The following RGS22 variants were observed in gnomAD, a reference collection of about 807,000 sequenced individuals.
The protein encoded by RGS22 is regulator of G protein signaling 22.
In RGS22, 148 loss-of-function variants were observed where a neutral mutation model predicts 172.9. The ratio of observed to expected loss-of-function variants is 0.86; its 90% CI spans 0.75 to 0.98. The LOEUF is 0.98. Among genes scored for constraint, RGS22 ranks in the 50% least tolerant of loss-of-function variants. The probability of loss-of-function intolerance (pLI) is 0.00; values close to 1 mark genes in which losing one functional copy is unlikely to be tolerated. For synonymous variants in RGS22, 458 were observed against 480.2 expected (o/e 0.95, Z 0.60); for missense variants, 1,347 against 1,440.8 (o/e 0.93, Z 1.05).
intron 9 of RGS22, among the ~76,000 whole-genome samples, chr8:100,058,857 T>C (rs1036511627): frequency 1.3e-5 from 2 of 152,126 alleles, no homozygotes; most frequent in Non-Finnish European, 2.9e-5. Flanking sequence ...ACACAGAATA[T>C]TATAACACTG....
chr8:99,993,146 T>C (rs1456232014), intron 20 of RGS22, among the ~76,000 whole-genome samples: 1 of 152,166 alleles, frequency 6.6e-6, no homozygotes, highest in Non-Finnish European at 1.5e-5. Flanking sequence ...TAGCACTAAA[T>C]GCCCACAAGA....
intron 2 of RGS22, among the ~76,000 whole-genome samples, chr8:100,104,344 G>GTT (rs1813747172): frequency 6.8e-6 from 1 of 146,140 alleles, no homozygotes; most frequent in East Asian, 1.9e-4. Flanking sequence ...GTGTGTGTGT[G>GTT]TGTGTGTGTG....
intron 21 of RGS22, among the ~76,000 whole-genome samples, chr8:99,986,430 G>T (rs73702112): frequency 0.035 from 5,357 of 152,134 alleles, 322 homozygotes; most frequent in African/African-American, 0.12. Flanking sequence ...AAAGCATTAT[G>T]CTCCTAAATT....
intron 9 of RGS22, among the ~76,000 whole-genome samples, chr8:100,059,480 G>T (rs1809923773): frequency 6.6e-6 from 1 of 151,470 alleles, no homozygotes; most frequent in Admixed American, 6.6e-5. Context: ...AAAAAAAGCA[G>T]GAGTAGCTAT....
chr8:100,056,866 A>C (rs1048931056), intron 9 of RGS22, among the ~76,000 whole-genome samples: 1 of 152,208 alleles, frequency 6.6e-6, no homozygotes, highest in Non-Finnish European at 1.5e-5. Flanking sequence ...CCACTGGGGC[A>C]CTGCCTAGTG....
intron 9 of RGS22, among the ~76,000 whole-genome samples, chr8:100,053,781 G>A (rs1202984415): frequency 2.6e-5 from 4 of 151,898 alleles, no homozygotes; most frequent in Admixed American, 6.6e-5. Context: ...GACTACAGGC[G>A]TGTGCCACCA....
chr8:100,023,270 T>C (rs1462028043), intron 14 of RGS22, among the ~76,000 whole-genome samples: 1 of 152,132 alleles, frequency 6.6e-6, no homozygotes, highest in Non-Finnish European at 1.5e-5. Context: ...CCTATGAATA[T>C]TCTCTCCATC....
chr8:100,075,192 C>T (rs1039637924), intron 4 of RGS22, among the ~76,000 whole-genome samples: 1 of 152,082 alleles, frequency 6.6e-6, no homozygotes, highest in African/African-American at 2.4e-5. Context: ...TGAATGTGAT[C>T]CCCAATGCTG....
chr8:99,987,599 G>C lies in RGS22; in HGVS notation c.3039C>G (p.Ile1013Met). Residue 1013 changes from isoleucine (I) to methionine (M), a missense_variant, in exon 21 of 28, where the codon ATC becomes ATG. Coordinates refer to ENST00000360863, the MANE Select transcript of RGS22 (RefSeq NM_015668.5). ...AAGCAATGATTTTACAAGATGAAGA[G>C]ATCCACTTACTCTCCACAGGCTGTC... ...GVWKPVESKW[I>M]SSSCKIIAFR... The C allele has an allele frequency of 6.2e-7, 1 of 1,606,018 alleles. No homozygotes were observed. The highest frequency in any genetic ancestry group is 8.5e-7 in the Non-Finnish European group (1 of 1,176,428).
intron 3 of RGS22, among the ~76,000 whole-genome samples, chr8:100,083,872 A>G (rs1273472259): frequency 3.5e-5 from 5 of 142,322 alleles, no homozygotes; most frequent in African/African-American, 1.3e-4. Flanking sequence ...TCTGAGACAG[A>G]GTCTTGCTCT....
intron 22 of RGS22, among the ~76,000 whole-genome samples, chr8:99,979,010 C>T (rs1812266463): frequency 6.6e-6 from 1 of 152,200 alleles, no homozygotes; most frequent in Admixed American, 6.5e-5. Context: ...TAAAATTATT[C>T]ACTCCTTCTA....
intron 14 of RGS22, among the ~76,000 whole-genome samples, chr8:100,022,424 G>A (rs1252803227): frequency 6.6e-6 from 1 of 152,046 alleles, no homozygotes; most frequent in African/African-American, 2.4e-5. Flanking sequence ...AAGAAAAGAC[G>A]AGAACAAACC....
chr8:100,080,524 G>A (rs1044390930), intron 3 of RGS22, 169 bp from the exon 4 acceptor site: 4 of 596,106 alleles, frequency 6.7e-6, no homozygotes, highest in Non-Finnish European at 8.8e-6. Context: ...TAGAGGTCAG[G>A]GAACCCACTA....
In RGS22 at chr8:100,028,405, T is replaced by C. The variant is rs1392244800; in HGVS notation, c.2166+10526A>G. On this transcript the variant is annotated intron_variant, in intron 14 of 27. Coordinates refer to ENST00000360863, the MANE Select transcript of RGS22 (RefSeq NM_015668.5). ...CACATGTTCCCTTATTTAATACCCA[T>C]AGTAAGCACCAGAAAAGCAAGCTTC... Among the ~76,000 whole-genome samples the C allele has an allele frequency of 2.9e-5, 4 of 138,984 alleles. No individual in the cohort carries two copies. The East Asian group carries it at 8.3e-4, about 29-fold the overall frequency. The allele number at this position is 138,984 out of a possible 152,430, so 91.2% of individuals were successfully genotyped here. A position where few individuals can be genotyped will look rare whatever the true frequency, so the allele number is the denominator to read the frequency against.
At position 100,064,829 on chromosome 8, in the gene RGS22, G is replaced by A. The variant is rs191687064; in HGVS notation, c.725-786C>T. ...ACCATGTATGAACAGACCAGAACTG[G>A]AAACAATAATAGCAAGTTTTAAAAT... On this transcript the variant is annotated intron_variant, in intron 7 of 27. Coordinates refer to ENST00000360863, the MANE Select transcript of RGS22 (RefSeq NM_015668.5). 2.4e-3 allele frequency among the ~76,000 whole-genome samples: 360 copies of A among 152,180 alleles called. 4 individuals are homozygous for A. Among genetic ancestry groups the A allele is most frequent in the African/African-American group, 8.3e-3 (346 of 41,528 alleles).
At position 100,097,526 on chromosome 8, in the gene RGS22, G is replaced by A. The variant is rs374278648; in HGVS notation, c.55-4017C>T. Among the ~76,000 whole-genome samples the A allele has an allele frequency of 4.6e-5, 7 of 152,252 alleles. No individual in the cohort carries two copies. The South Asian group carries it at 8.3e-4, about 18-fold the overall frequency. ...AAATCTTAGTGGTAGGTATATCAGT[G>A]TTCACTATACAATTCTTTTAATTCT... On this transcript the variant is annotated intron_variant, in intron 2 of 27. Coordinates refer to ENST00000360863, the MANE Select transcript of RGS22 (RefSeq NM_015668.5).
At chr8:100,101,564 A>G (rs1332995301) in intron 2 of RGS22, among the ~76,000 whole-genome samples, 2 of 150,836 alleles carry the variant, frequency 1.3e-5, no homozygotes, top group Non-Finnish European at 2.9e-5. Context: ...AAGTGCTGAG[A>G]TTACAAGCAT....
chr8:100,033,292 G>T (rs1462519518), intron 14 of RGS22, among the ~76,000 whole-genome samples: 1 of 152,078 alleles, frequency 6.6e-6, no homozygotes, highest in Admixed American at 6.6e-5. Flanking sequence ...AAGAAGAAAA[G>T]AGAGAAGAAT....
intron 14 of RGS22, among the ~76,000 whole-genome samples, chr8:100,032,310 G>A (rs1299501256): frequency 6.6e-6 from 1 of 152,120 alleles, no homozygotes; most frequent in Non-Finnish European, 1.5e-5. Context: ...CAAAATAAAG[G>A]GATGGAGGAA....
Sources: allele counts gnomAD v4.1 joint callset (sites outside exome capture counted in the v4.1 genomes callset), GRCh38; gene constraint gnomAD v4.1.1; transcripts MANE v1.5; gene names NCBI Gene and HGNC (gene_info 2026-07-23, HGNC 2026-07-21).